The following ACOT12 variants were observed in gnomAD, a reference collection of about 807,000 sequenced individuals.
The protein encoded by ACOT12 is acyl-CoA thioesterase 12, also known as acetyl-coenzyme A thioesterase.
A neutral mutation model predicts 67.7 loss-of-function variants in ACOT12; 51 were observed. The observed-to-expected ratio is 0.75, with a 90% CI of 0.60 to 0.95. The LOEUF (loss-of-function observed/expected upper bound fraction) is 0.95, where lower values mean the gene tolerates loss of function less well. Ranked by LOEUF, ACOT12 falls within the 40% of genes least tolerant of loss-of-function variation. The pLI is 0.00. For missense variants in ACOT12, 734 were observed against 708.1 expected (o/e 1.04, Z -0.41); for synonymous variants, 251 against 244.6 (o/e 1.03, Z -0.24).
rs116216386 is a variant in ACOT12, at chr5:81,361,366, T to C, written c.361-1328A>G. On this transcript the variant is annotated intron_variant, in intron 4 of 14. Coordinates refer to ENST00000307624, the MANE Select transcript of ACOT12 (RefSeq NM_130767.3). ...AACGTCACTATGCCTGGCTAATTTT[T>C]TTATATTTATTTTTTGTAGAGATGA... 3.7e-3 allele frequency among the ~76,000 whole-genome samples: 563 copies of C among 152,006 alleles called. 5 individuals are homozygous for C. Among genetic ancestry groups the C allele is most frequent in the African/African-American group, 0.013 (532 of 41,472 alleles).
At chr5:81,350,874 G>A (rs1328150290) in intron 5 of ACOT12, among the ~76,000 whole-genome samples, 1 of 152,160 alleles carries the variant, frequency 6.6e-6, no homozygotes, top group Non-Finnish European at 1.5e-5. Flanking sequence ...ACCAAGGAAG[G>A]TTCCCTGATC....
At chr5:81,373,692 T>G (rs1340048098) in intron 2 of ACOT12, among the ~76,000 whole-genome samples, 1 of 151,960 alleles carries the variant, frequency 6.6e-6, no homozygotes, top group African/African-American at 2.4e-5. Flanking sequence ...GGGAGGGGCG[T>G]CCACCATTGC....
intron 2 of ACOT12, among the ~76,000 whole-genome samples, chr5:81,375,865 C>G (rs1175927894): frequency 6.6e-6 from 1 of 152,110 alleles, no homozygotes; most frequent in South Asian, 2.1e-4. Context: ...TACAAAGAGA[C>G]TTAGACTCCC....
At chr5:81,365,787 G>C (rs1393040570) in intron 3 of ACOT12, among the ~76,000 whole-genome samples, 1 of 152,156 alleles carries the variant, frequency 6.6e-6, no homozygotes, top group Non-Finnish European at 1.5e-5. Flanking sequence ...TCAGGCTGAA[G>C]GTAATTTACG....
chr5:81,345,986 A>G lies in ACOT12; in HGVS notation c.672T>C (p.His224=). Residue 224 remains histidine, a synonymous_variant, in exon 7 of 15, where the codon CAT becomes CAC. Coordinates refer to ENST00000307624, the MANE Select transcript of ACOT12 (RefSeq NM_130767.3). ...ACATATCTACGGACTTCAGAAAGGG[A>G]TGAGCCCAACACAGGCGGCTGGGGA... ...TISASRLCWA[H]PFLKSVDMFK... is the part of the protein sequence containing the mutation. 6.2e-7 allele frequency: 1 copy of G among 1,614,026 alleles called. No homozygotes were observed. Among genetic ancestry groups the G allele is most frequent in the East Asian group, 2.2e-5 (1 of 44,874 alleles).
chr5:81,346,293 T>G (rs1759379889), intron 6 of ACOT12, among the ~76,000 whole-genome samples: 1 of 152,204 alleles, frequency 6.6e-6, no homozygotes, highest in East Asian at 1.9e-4. Flanking sequence ...AACCAATGCT[T>G]TTTGTTCTAA....
chr5:81,369,711 C>G (rs1479203017), intron 3 of ACOT12, among the ~76,000 whole-genome samples: 1 of 152,066 alleles, frequency 6.6e-6, no homozygotes. Context: ...TTTAGATAAG[C>G]CTCCTTTAGA....
intron 2 of ACOT12, among the ~76,000 whole-genome samples, chr5:81,380,879 A>G (rs1760562787): frequency 2.0e-5 from 3 of 152,128 alleles, no homozygotes; most frequent in Admixed American, 2.0e-4. Context: ...GTGTACCCAC[A>G]CTAATCTAGA....
At chr5:81,337,868 T>G (rs968326749) in intron 11 of ACOT12, among the ~76,000 whole-genome samples, 6 of 152,198 alleles carry the variant, frequency 3.9e-5, no homozygotes, top group Admixed American at 2.6e-4. Context: ...CAGGTTGCAG[T>G]CACATGCTTC....
At chr5:81,317,949 C>G in the ACOT12 span, among the ~76,000 whole-genome samples, 1 of 146,714 alleles carries the variant, frequency 6.8e-6, no homozygotes, top group Non-Finnish European at 1.5e-5. Context: ...GTGGCACAAT[C>G]TCCGCTCACT....
At chr5:81,365,364 A>G (rs1187660519) in intron 3 of ACOT12, among the ~76,000 whole-genome samples, 4 of 152,228 alleles carry the variant, frequency 2.6e-5, no homozygotes, top group Non-Finnish European at 5.9e-5. Flanking sequence ...TAAATCCTAA[A>G]TTAACTAGAT....
chr5:81,376,015 C>T (rs1308807235), intron 2 of ACOT12, among the ~76,000 whole-genome samples: 2 of 152,128 alleles, frequency 1.3e-5, no homozygotes, highest in Non-Finnish European at 2.9e-5. Flanking sequence ...AAACTCTCCA[C>T]CCCAAATGAA....
chr5:81,311,261 C>T, the ACOT12 span: 1 of 1,613,914 alleles, frequency 6.2e-7, no homozygotes, highest in Middle Eastern at 1.6e-4. Context: ...GAAAGATTGC[C>T]CTGAAAGTCA....
intron 1 of ACOT12, 22 bp from the exon 2 acceptor site, chr5:81,385,848 G>A: frequency 6.2e-7 from 1 of 1,609,896 alleles, no homozygotes; most frequent in Non-Finnish European, 8.5e-7. Flanking sequence ...ACATAAAAAT[G>A]TGCTGCTTTA....
chr5:81,332,206 T>C (rs1758850046), intron 13 of ACOT12, among the ~76,000 whole-genome samples: 1 of 152,242 alleles, frequency 6.6e-6, no homozygotes. Flanking sequence ...AATCATGGTA[T>C]GTTTCAAAGG....
intron 2 of ACOT12, among the ~76,000 whole-genome samples, chr5:81,379,317 C>T (rs146916362): frequency 0.15 from 5,043 of 33,780 alleles, 282 homozygotes; most frequent in African/African-American, 0.34. Context: ...ACATCACACA[C>T]GGGGGTCTGT....
the ACOT12 span, among the ~76,000 whole-genome samples, chr5:81,309,933 T>C: frequency 1.3e-5 from 2 of 152,320 alleles, no homozygotes; most frequent in Non-Finnish European, 2.9e-5. Flanking sequence ...ATACATCTTA[T>C]AATCAGTGGT....
chr5:81,378,472 CA>C (rs1375114448), intron 2 of ACOT12, among the ~76,000 whole-genome samples: 1 of 151,990 alleles, frequency 6.6e-6, no homozygotes, highest in Non-Finnish European at 1.5e-5. Context: ...CAACAAAAGC[CA>C]AAATAGACAA....
intron 5 of ACOT12, among the ~76,000 whole-genome samples, chr5:81,355,394 C>T (rs1393343762): frequency 6.6e-6 from 1 of 152,182 alleles, no homozygotes; most frequent in Non-Finnish European, 1.5e-5. Context: ...CACAGAAGGA[C>T]ATCCTGTCAT....
Sources: gnomAD v4.1 joint callset for allele counts (sites outside exome capture counted in the v4.1 genomes callset) on GRCh38, gnomAD v4.1.1 for gene constraint, MANE v1.5 for transcripts, NCBI Gene and HGNC (gene_info 2026-07-23, HGNC 2026-07-21) for gene names.